Variants in CERS6 observed in about 807,000 individuals in gnomAD.
CERS6 encodes ceramide synthase 6.
A neutral mutation model predicts 56.8 loss-of-function variants in CERS6; 26 were observed. The observed-to-expected ratio is 0.46, with a 90% CI of 0.34 to 0.63. The LOEUF is 0.63. Ranked by LOEUF, CERS6 falls within the 30% of genes least tolerant of loss-of-function variation. The pLI is 0.01. For synonymous variants in CERS6, 164 were observed against 173.3 expected, an observed-to-expected ratio of 0.95 and a Z score of 0.42; for missense variants, 415 against 467.5, an observed-to-expected ratio of 0.89 and a Z score of 1.04.
At chr2:168,617,578 A>G (rs1684347467) in intron 3 of CERS6, among the ~76,000 whole-genome samples, 1 of 152,162 alleles carries the variant, frequency 6.6e-6, no homozygotes, top group South Asian at 2.1e-4. Flanking sequence ...GAAATACAAA[A>G]GATCATTCAA....
chr2:168,639,161 A>T (rs959796953), intron 4 of CERS6, among the ~76,000 whole-genome samples: 11 of 152,216 alleles, frequency 7.2e-5, no homozygotes, highest in Non-Finnish European at 1.5e-4. Context: ...GTTGAACTTG[A>T]CTATGAAAAA....
At chr2:168,519,259 G>A (rs1353763326) in intron 1 of CERS6, among the ~76,000 whole-genome samples, 2 of 152,040 alleles carry the variant, frequency 1.3e-5, no homozygotes, top group Non-Finnish European at 1.5e-5. Flanking sequence ...TTGGTTCTTG[G>A]CAATACTCTG....
At chr2:168,669,171 T>C (rs1410412090) in intron 4 of CERS6, among the ~76,000 whole-genome samples, 1 of 152,234 alleles carries the variant, frequency 6.6e-6, no homozygotes, top group East Asian at 1.9e-4. Context: ...ACTCTCTGTC[T>C]TTATGCTCTA....
chr2:168,575,231 C>T (rs1167269693), intron 3 of CERS6, among the ~76,000 whole-genome samples: 1 of 152,094 alleles, frequency 6.6e-6, no homozygotes, highest in Non-Finnish European at 1.5e-5. Flanking sequence ...GCACTGGTGC[C>T]TTATGTATTA....
In CERS6 at chr2:168,771,916, T is replaced by G. The variant is rs923283332; in HGVS notation, c.*2254T>G. Reference sequence around the variant, plus strand: ...AGGAGAACTGGGAACACTTGGGGTCTCTCTAACTGATGGCATTCACTTCAC... The same window carrying G: ...AGGAGAACTGGGAACACTTGGGGTCGCTCTAACTGATGGCATTCACTTCAC... On this transcript the variant is annotated 3_prime_UTR_variant, in exon 10 of 10. Coordinates refer to ENST00000305747, the MANE Select transcript of CERS6 (RefSeq NM_203463.3). 1 of 152,224 alleles carries G rather than the reference T, an allele frequency of 6.6e-6. No homozygotes were observed. Among genetic ancestry groups the G allele is most frequent in the Non-Finnish European group, 1.5e-5 (1 of 68,038 alleles). The allele number at this position is 152,224 out of a possible 1,614,324, so 9.4% of individuals were successfully genotyped here.
At chr2:168,467,079 A>T (rs1440799788) in intron 1 of CERS6, among the ~76,000 whole-genome samples, 1 of 151,754 alleles carries the variant, frequency 6.6e-6, no homozygotes, top group Non-Finnish European at 1.5e-5. Context: ...TTCCTTTGTC[A>T]CTTCCTCCTT....
intron 4 of CERS6, among the ~76,000 whole-genome samples, chr2:168,670,966 TCC>T (rs35335379): frequency 0.21 from 6,511 of 30,558 alleles, 1,132 homozygotes; most frequent in South Asian, 0.51. Context: ...GATACATGCT[TCC>T]CCCCCCCCCC....
Position 168,581,700 on chromosome 2 carries a change from TA to T in CERS6, c.407+20379del, listed in dbSNP as rs561814935. ...TGCAGATACTTTTTATGTGGTCTTT[TA>T]TTTTTTTACATAGGGGAAGCATAGT... On this transcript the variant is annotated intron_variant, in intron 3 of 9. Coordinates refer to ENST00000305747, the MANE Select transcript of CERS6 (RefSeq NM_203463.3). 1.7e-4 allele frequency among the ~76,000 whole-genome samples: 26 copies of T among 152,358 alleles called. No homozygotes were observed. In the South Asian group the frequency reaches 4.8e-3, roughly 28 times the overall value.
intron 3 of CERS6, among the ~76,000 whole-genome samples, chr2:168,589,130 T>C (rs777046169): frequency 2.0e-5 from 3 of 152,234 alleles, no homozygotes; most frequent in Non-Finnish European, 4.4e-5. Context: ...ATATTTTTCA[T>C]AGAAGCTGCA....
intron 5 of CERS6, among the ~76,000 whole-genome samples, chr2:168,693,383 G>T (rs1239687946): frequency 2.0e-5 from 3 of 152,104 alleles, no homozygotes; most frequent in African/African-American, 4.8e-5. Context: ...GAACTCTGTG[G>T]TTTCCAGATG....
At chr2:168,745,305 A>G (rs1684064901) in intron 8 of CERS6, among the ~76,000 whole-genome samples, 1 of 151,872 alleles carries the variant, frequency 6.6e-6, no homozygotes, top group Non-Finnish European at 1.5e-5. Flanking sequence ...GCAGTGGCAC[A>G]GTCTCGGCTC....
At chr2:168,505,382 C>CA (rs370477008) in intron 1 of CERS6, among the ~76,000 whole-genome samples, 76,278 of 96,010 alleles carry the variant, frequency 0.79, 30,323 homozygotes, top group Middle Eastern at 0.87. Flanking sequence ...ACCCTGTTTC[C>CA]AAAAAAAAAA....
At chr2:168,680,445 A>C (rs987296578) in intron 4 of CERS6, among the ~76,000 whole-genome samples, 1 of 152,218 alleles carries the variant, frequency 6.6e-6, no homozygotes, top group African/African-American at 2.4e-5. Flanking sequence ...ATAGGAAAGC[A>C]TAGGTTCTTC....
At chr2:168,517,904 C>T (rs903817119) in intron 1 of CERS6, among the ~76,000 whole-genome samples, 1 of 152,126 alleles carries the variant, frequency 6.6e-6, no homozygotes, top group Non-Finnish European at 1.5e-5. Flanking sequence ...ATGGCACATT[C>T]CTTTTAGACT....
chr2:168,711,317 G>A (rs571805972), intron 6 of CERS6, among the ~76,000 whole-genome samples: 34 of 152,228 alleles, frequency 2.2e-4, no homozygotes, highest in Middle Eastern at 6.8e-3. Flanking sequence ...TCCCACACTC[G>A]CTCCCCGCCA....
In CERS6 at chr2:168,709,150, G is replaced by A. The variant is rs562345163; in HGVS notation, c.610-5851G>A. Among the ~76,000 whole-genome samples the A allele has an allele frequency of 2.0e-4, 31 of 152,206 alleles. No homozygotes were observed. In the East Asian group the frequency reaches 3.5e-3, roughly 17 times the overall value. On this transcript the variant is annotated intron_variant, in intron 6 of 9. Coordinates refer to ENST00000305747, the MANE Select transcript of CERS6 (RefSeq NM_203463.3). ...GTACATAAAATTCCCCTAGAGAACC[G>A]AATTAACGATGCTGATTTTCATTCT...
chr2:168,732,425 T>C (rs918494650), intron 8 of CERS6, among the ~76,000 whole-genome samples: 1 of 152,220 alleles, frequency 6.6e-6, no homozygotes, highest in Non-Finnish European at 1.5e-5. Context: ...CCTTCATAAA[T>C]GGCCCTCCCC....
chr2:168,769,471 C>A (rs1231596806), intron 9 of CERS6, 39 bp from the exon 10 acceptor site: 1 of 1,518,226 alleles, frequency 6.6e-7, no homozygotes, highest in South Asian at 1.3e-5. Flanking sequence ...TTGATGATTT[C>A]TTAGGTGCTG....
At chr2:168,767,132 C>T (rs1161309331) in intron 9 of CERS6, among the ~76,000 whole-genome samples, 1 of 152,196 alleles carries the variant, frequency 6.6e-6, no homozygotes, top group Non-Finnish European at 1.5e-5. Context: ...TTCTACCAGA[C>T]TTGTTGCCTG....
Sources: gnomAD v4.1 joint callset for allele counts (sites outside exome capture counted in the v4.1 genomes callset) on GRCh38, gnomAD v4.1.1 for gene constraint, MANE v1.5 for transcripts, NCBI Gene and HGNC (gene_info 2026-07-23, HGNC 2026-07-21) for gene names.